The following FBXL7 variants were observed in gnomAD, a reference collection of about 807,000 sequenced individuals.
FBXL7 encodes F-box/LRR-repeat protein 7.
A neutral mutation model predicts 38.3 loss-of-function variants in FBXL7; 12 were observed. The observed-to-expected ratio is 0.31, with a 90% CI of 0.20 to 0.51. FBXL7 has a LOEUF of 0.51. Among genes scored for constraint, FBXL7 ranks in the 20% least tolerant of loss-of-function variants. FBXL7 has a pLI of 0.98. For synonymous variants in FBXL7, 297 were observed against 300.9 expected, an observed-to-expected ratio of 0.99 and a Z score of 0.13; for missense variants, 567 against 676.4, an observed-to-expected ratio of 0.84 and a Z score of 1.79.
At chr5:15,693,449 G>T (rs1215751314) in intron 2 of FBXL7, among the ~76,000 whole-genome samples, 1 of 152,148 alleles carries the variant, frequency 6.6e-6, no homozygotes, top group Non-Finnish European at 1.5e-5. Flanking sequence ...TTAAAAAGTG[G>T]CTTCCCTGTG....
intron 2 of FBXL7, among the ~76,000 whole-genome samples, chr5:15,724,767 G>T (rs1418409003): frequency 3.3e-5 from 5 of 152,142 alleles, no homozygotes; most frequent in African/African-American, 1.2e-4. Flanking sequence ...TAGCTTATCA[G>T]TTGTTCCCTT....
At chr5:15,850,821 C>T (rs149437378) in intron 2 of FBXL7, among the ~76,000 whole-genome samples, 2 of 152,342 alleles carry the variant, frequency 1.3e-5, no homozygotes, top group East Asian at 3.9e-4. Flanking sequence ...ACAGGCTGAT[C>T]TATGCTTTTG....
At chr5:15,820,528 C>T (rs1486675153) in intron 2 of FBXL7, among the ~76,000 whole-genome samples, 1 of 152,154 alleles carries the variant, frequency 6.6e-6, no homozygotes, top group Non-Finnish European at 1.5e-5. Context: ...AAGATGCCTC[C>T]CTGGTTCCTC....
rs560130850 is a variant in FBXL7, at chr5:15,794,955, T to C, written c.128-132935T>C. Among the ~76,000 whole-genome samples, 66 of 152,368 alleles carry C rather than the reference T, an allele frequency of 4.3e-4. 1 individual carries two copies. Among genetic ancestry groups the C allele is most frequent in the African/African-American group, 1.6e-3 (65 of 41,590 alleles). The stretch of plus-strand genomic sequence containing the variant: ...GAAATACTTTTCAACTGTTTTGTTT[T>C]GTTTTGTTTTAGCTTTATTGCTTAG... On this transcript the variant is annotated intron_variant, in intron 2 of 3. Transcript: ENST00000504595.
chr5:15,672,396 C>A (rs1742507917), intron 2 of FBXL7, among the ~76,000 whole-genome samples: 1 of 152,094 alleles, frequency 6.6e-6, no homozygotes, highest in Admixed American at 6.5e-5. Context: ...GCTAGTATTG[C>A]ATCTCTTTTT....
intron 2 of FBXL7, among the ~76,000 whole-genome samples, chr5:15,661,700 A>C (rs1430388137): frequency 6.6e-6 from 1 of 152,018 alleles, no homozygotes; most frequent in South Asian, 2.1e-4. Flanking sequence ...CCTCCTCCCA[A>C]CCTTCACCTT....
At chr5:15,554,513 C>A (rs777512665) in intron 1 of FBXL7, among the ~76,000 whole-genome samples, 7 of 152,120 alleles carry the variant, frequency 4.6e-5, no homozygotes, top group Non-Finnish European at 7.4e-5. Context: ...TTTTATATCC[C>A]TTTTGTCAGA....
At chr5:15,698,444 C>T (rs574086711) in intron 2 of FBXL7, among the ~76,000 whole-genome samples, 1 of 152,224 alleles carries the variant, frequency 6.6e-6, no homozygotes, top group South Asian at 2.1e-4. Flanking sequence ...ATAATGACGC[C>T]CAAGAGCTAA....
At chr5:15,742,835 C>T (rs577050290) in intron 2 of FBXL7, among the ~76,000 whole-genome samples, 1 of 152,232 alleles carries the variant, frequency 6.6e-6, no homozygotes, top group South Asian at 2.1e-4. Flanking sequence ...CTGGAGTGGC[C>T]TCAGGATACT....
chr5:15,918,276 T>G (rs996482570), intron 2 of FBXL7, among the ~76,000 whole-genome samples: 2 of 152,030 alleles, frequency 1.3e-5, no homozygotes, highest in Non-Finnish European at 2.9e-5. Context: ...CTTCTGCGAT[T>G]TAAGGAAAAA....
chr5:15,841,940 G>T (rs991002574), intron 2 of FBXL7, among the ~76,000 whole-genome samples: 1 of 152,256 alleles, frequency 6.6e-6, no homozygotes, highest in Non-Finnish European at 1.5e-5. Flanking sequence ...CAGGGGCGGA[G>T]CCCTCATAGA....
intron 2 of FBXL7, among the ~76,000 whole-genome samples, chr5:15,879,536 C>A (rs1239995461): frequency 6.6e-6 from 1 of 152,176 alleles, no homozygotes; most frequent in Non-Finnish European, 1.5e-5. Flanking sequence ...GGAACAAAAT[C>A]TTTGCTTAGT....
At chr5:15,657,795 G>A (rs1741930215) in intron 2 of FBXL7, among the ~76,000 whole-genome samples, 2 of 151,790 alleles carry the variant, frequency 1.3e-5, no homozygotes, top group Admixed American at 6.6e-5. Context: ...CCGAGATCAC[G>A]GCATTGCACT....
At chr5:15,834,896 T>A (rs907305423) in intron 2 of FBXL7, among the ~76,000 whole-genome samples, 2 of 152,216 alleles carry the variant, frequency 1.3e-5, no homozygotes, top group Non-Finnish European at 1.5e-5. Context: ...AAGACCTAAG[T>A]AGGCAACAAA....
At chr5:15,736,596 TG>T (rs373166411) in intron 2 of FBXL7, among the ~76,000 whole-genome samples, 25 of 152,332 alleles carry the variant, frequency 1.6e-4, no homozygotes, top group African/African-American at 5.8e-4. Flanking sequence ...GCACTGGGCT[TG>T]TTGTTGCTAC....
In FBXL7 at chr5:15,861,814, C is replaced by T. The variant is rs372599039; in HGVS notation, c.128-66076C>T. Among the ~76,000 whole-genome samples the T allele has an allele frequency of 1.0e-3, 156 of 152,324 alleles. 4 individuals are homozygous for T. Among genetic ancestry groups the T allele is most frequent in the African/African-American group, 3.6e-3 (150 of 41,566 alleles). ...ACATTGTTGGGCTCCTTCTGAAAAA[C>T]GTGGCACATGCTCACCCTGTTATAT... On this transcript the variant is annotated intron_variant, in intron 2 of 3. Transcript: ENST00000504595.
chr5:15,616,811 T>C (rs1302330525), intron 2 of FBXL7, among the ~76,000 whole-genome samples: 1 of 152,224 alleles, frequency 6.6e-6, no homozygotes, highest in African/African-American at 2.4e-5. Context: ...TGACTTTCTG[T>C]CTGAAAATGA....
intron 2 of FBXL7, among the ~76,000 whole-genome samples, chr5:15,666,476 A>G (rs1742281560): frequency 6.6e-6 from 1 of 152,202 alleles, no homozygotes; most frequent in Non-Finnish European, 1.5e-5. Flanking sequence ...CTAGCTATTA[A>G]TGATCACTAC....
At chr5:15,791,605 G>A (rs1441960952) in intron 2 of FBXL7, among the ~76,000 whole-genome samples, 1 of 152,198 alleles carries the variant, frequency 6.6e-6, no homozygotes, top group Non-Finnish European at 1.5e-5. Context: ...GAGATGGGAA[G>A]TTCCCTGGTG....
Sources: gnomAD v4.1 joint callset for allele counts (sites outside exome capture counted in the v4.1 genomes callset) on GRCh38, gnomAD v4.1.1 for gene constraint, MANE v1.5 for transcripts, NCBI Gene and HGNC (gene_info 2026-07-23, HGNC 2026-07-21) for gene names.